The following PFKFB1 variants were observed in gnomAD, a reference collection of about 807,000 sequenced individuals.
The protein encoded by PFKFB1 is 6-phosphofructo-2-kinase/fructose-2,6-biphosphatase 1.
In PFKFB1, 34 loss-of-function variants were observed where a neutral mutation model predicts 46.4. That is an observed-to-expected ratio of 0.73 (90% CI 0.56 to 0.98). The LOEUF (loss-of-function observed/expected upper bound fraction) is 0.98. Ranked by LOEUF, PFKFB1 falls within the 50% of genes least tolerant of loss-of-function variation. PFKFB1 has a pLI of 0.00. For missense variants in PFKFB1, 393 were observed against 376.3 expected (o/e 1.04, Z -0.37); for synonymous variants, 119 against 133.8 (o/e 0.89, Z 0.76).
chrX:54,958,204 C>A, intron 6 of PFKFB1, 102 bp downstream of exon 6: 1 of 482,937 alleles, frequency 2.1e-6, no homozygotes. Flanking sequence ...GGAATACTTT[C>A]TTTAATCTCA....
At chrX:54,969,463 T>C (rs913518582) in intron 1 of PFKFB1, among the ~76,000 whole-genome samples, 1 of 111,780 alleles carries the variant, frequency 8.9e-6, no homozygotes, top group African/African-American at 3.3e-5. Flanking sequence ...CCTCCAGAAC[T>C]GTAAGAAATA....
chrX:54,990,596 A>C (rs959918010), intron 1 of PFKFB1, among the ~76,000 whole-genome samples: 1 of 111,819 alleles, frequency 8.9e-6, no homozygotes, highest in Non-Finnish European at 1.9e-5. Flanking sequence ...AGTTCTGCAG[A>C]CAACCTCTGT....
At chrX:54,990,215 A>G (rs1210828205) in intron 1 of PFKFB1, among the ~76,000 whole-genome samples, 1 of 111,389 alleles carries the variant, frequency 9.0e-6, no homozygotes, top group Admixed American at 9.6e-5. Context: ...AAAAGGATCA[A>G]AAAGTCAAAA....
chrX:54,980,218 G>A (rs1205072644), intron 1 of PFKFB1, among the ~76,000 whole-genome samples: 2 of 111,060 alleles, frequency 1.8e-5, no homozygotes, highest in Non-Finnish European at 3.8e-5. Flanking sequence ...CAAAATAGAT[G>A]TTTGCTGTTT....
At chrX:54,990,445 A>G (rs1935213169) in intron 1 of PFKFB1, among the ~76,000 whole-genome samples, 2 of 111,828 alleles carry the variant, frequency 1.8e-5, no homozygotes, top group Admixed American at 1.9e-4. Flanking sequence ...AGCTTAAGAA[A>G]GCTAACTTTA....
intron 1 of PFKFB1, among the ~76,000 whole-genome samples, chrX:54,975,637 T>C (rs1287127693): frequency 9.0e-6 from 1 of 110,933 alleles, no homozygotes; most frequent in East Asian, 2.8e-4. Context: ...TGAAAATAAA[T>C]AAATAAATAA....
intron 1 of PFKFB1, among the ~76,000 whole-genome samples, chrX:54,989,247 A>AT (rs1935180271): frequency 9.0e-6 from 1 of 111,722 alleles, no homozygotes; most frequent in Admixed American, 9.5e-5. Context: ...ATCAAAAACA[A>AT]TTTTTTAAAT....
At position 54,956,288 on chromosome X, in the gene PFKFB1, G is replaced by C. The variant is rs1465290323; in HGVS notation, c.517-14C>G. 1 of 1,208,512 alleles carries C rather than the reference G, an allele frequency of 8.3e-7. No homozygotes were observed. The highest frequency in any genetic ancestry group is 1.7e-5 in the African/African-American group (1 of 57,191). On this transcript the variant is annotated splice_polypyrimidine_tract_variant and intron_variant, in intron 6 of 13. Coordinates refer to ENST00000375006, the MANE Select transcript of PFKFB1 (RefSeq NM_002625.4). ...AAGTTTCACTTGCTGGGAGCAGGGA[G>C]AACAGAGGTATCAAGGGAGACATTG...
chrX:54,935,896 C>G (rs1218015868), intron 11 of PFKFB1, among the ~76,000 whole-genome samples: 1 of 111,560 alleles, frequency 9.0e-6, no homozygotes, highest in African/African-American at 3.3e-5. Context: ...TGCAGGATCA[C>G]CGACCCTCAT....
intron 1 of PFKFB1, among the ~76,000 whole-genome samples, chrX:54,970,110 T>A (rs1343634168): frequency 9.0e-6 from 1 of 110,630 alleles, no homozygotes; most frequent in East Asian, 2.9e-4. Flanking sequence ...GGTTTCACCA[T>A]GTTGGCCAGG....
chrX:54,934,995 G>C lies in PFKFB1; in HGVS notation c.1243C>G (p.Leu415Val). 8.3e-7 allele frequency: 1 copy of C among 1,204,691 alleles called. No individual in the cohort carries two copies. The highest frequency in any genetic ancestry group is 1.1e-6 in the Non-Finnish European group (1 of 890,223). ...LDKSSDELPY[L>V]KCPLHTVLKL... The stretch of plus-strand genomic sequence containing the variant: ...AGCACTGTGTGCAGAGGGCACTTGA[G>C]ATATGGAAGCTCATCTAGAAAGGAA... Residue 415 changes from leucine (L) to valine (V), a missense_variant, in exon 12 of 14, where the codon CTC (leucine) becomes GTC (valine). Coordinates refer to ENST00000375006, the MANE Select transcript of PFKFB1 (RefSeq NM_002625.4).
intron 1 of PFKFB1, among the ~76,000 whole-genome samples, chrX:54,986,379 G>A (rs1333769661): frequency 1.8e-5 from 2 of 112,315 alleles, no homozygotes; most frequent in Non-Finnish European, 1.9e-5. Context: ...ACAACCACAA[G>A]AAATTTGGAG....
chrX:54,974,177 A>G, intron 1 of PFKFB1, among the ~76,000 whole-genome samples: 1 of 111,800 alleles, frequency 8.9e-6, no homozygotes, highest in East Asian at 2.8e-4. Context: ...GCAAAATAAA[A>G]ACAATGTTGC....
intron 6 of PFKFB1, among the ~76,000 whole-genome samples, chrX:54,957,744 G>A (rs1380801464): frequency 9.0e-6 from 1 of 111,288 alleles, no homozygotes; most frequent in Non-Finnish European, 1.9e-5. Flanking sequence ...ATCTGATGGA[G>A]GGTAGAAGAA....
chrX:54,933,272 T>C lies in PFKFB1; in HGVS notation c.*131A>G. On this transcript the variant is annotated 3_prime_UTR_variant, in exon 14 of 14. Transcript: ENST00000375006. ...CAGCAAGCGAGGCTTGTTTGGGAGT[T>C]GCGGAGGACTTCTTCACTGGAAGTG... is the stretch of plus-strand genomic sequence containing the variant. 1 of 517,383 alleles carries C rather than the reference T, an allele frequency of 1.9e-6. No homozygotes were observed. 42.6% of individuals were successfully genotyped at this position (517,383 alleles called of 1,213,427 possible).
chrX:54,943,029 A>G (rs923518647), intron 10 of PFKFB1, among the ~76,000 whole-genome samples: 2 of 111,608 alleles, frequency 1.8e-5, no homozygotes, highest in East Asian at 2.8e-4. Flanking sequence ...CATACATCCA[A>G]TTGTATTTCC....
At chrX:54,975,690 TTA>T (rs1934822533) in intron 1 of PFKFB1, among the ~76,000 whole-genome samples, 1 of 111,344 alleles carries the variant, frequency 9.0e-6, no homozygotes, top group African/African-American at 3.3e-5. Context: ...ATTTTGAGAC[TTA>T]TTATAAAGCC....
intron 1 of PFKFB1, among the ~76,000 whole-genome samples, chrX:54,991,070 G>A (rs1268294855): frequency 7.2e-5 from 8 of 111,213 alleles, no homozygotes; most frequent in African/African-American, 1.3e-4. Context: ...TGCACATCTC[G>A]TGTGTGTATA....
chrX:54,933,674 G>A (rs1933294753), intron 13 of PFKFB1, 147 bp downstream of exon 13: 1 of 539,410 alleles, frequency 1.9e-6, no homozygotes, highest in Admixed American at 3.2e-5. Flanking sequence ...CTGGGTTGTG[G>A]TTTCTGCATT....
Sources: allele counts gnomAD v4.1 joint callset (sites outside exome capture counted in the v4.1 genomes callset), GRCh38; gene constraint gnomAD v4.1.1; transcripts MANE v1.5; gene names NCBI Gene and HGNC (gene_info 2026-07-23, HGNC 2026-07-21).